The following GNAI3 variants were observed in gnomAD, a reference collection of about 807,000 sequenced individuals.
GNAI3 encodes guanine nucleotide-binding protein G(i) subunit alpha-3.
GNAI3 carries 12 observed loss-of-function variants against 41.8 expected under a neutral mutation model. The observed-to-expected ratio is 0.29, with a 90% CI of 0.18 to 0.47. The LOEUF is 0.47. Among genes scored for constraint, GNAI3 ranks in the 20% least tolerant of loss-of-function variants. The pLI is 1.00. For synonymous variants in GNAI3, 132 were observed against 146.5 expected, an observed-to-expected ratio of 0.90 and a Z score of 0.71; for missense variants, 360 against 429.6, an observed-to-expected ratio of 0.84 and a Z score of 1.43.
chr1:109,560,521 T>C (rs1031588406), intron 1 of GNAI3, among the ~76,000 whole-genome samples: 2 of 152,094 alleles, frequency 1.3e-5, no homozygotes, highest in African/African-American at 2.4e-5. Context: ...CTTTGGGAAG[T>C]TGAGGCCGGA....
chr1:109,591,532 TA>T (rs1360599528), intron 7 of GNAI3: 3 of 825,280 alleles, frequency 3.6e-6, no homozygotes, highest in Admixed American at 1.9e-5. Context: ...CCAGTTGTTT[TA>T]AAAAATATGG....
chr1:109,573,958 G>A lies in GNAI3; in HGVS notation c.224G>A (p.Ser75Asn). Reference sequence around the variant, plus strand: ...AAACAATATAAAGTAGTTGTCTACAGCAATACTATACAGTCCATCATTGCA... The same window carrying A: ...AAACAATATAAAGTAGTTGTCTACAACAATACTATACAGTCCATCATTGCA... ...ECKQYKVVVY[S>N]NTIQSIIAII... is the part of the protein sequence containing the mutation. Residue 75 changes from serine to asparagine, a missense_variant, in exon 3 of 9, where the codon AGC becomes AAC. By Grantham distance (46) the Ser-to-Asn change is conservative. Coordinates refer to ENST00000369851, the MANE Select transcript of GNAI3 (RefSeq NM_006496.4). 6.2e-7 allele frequency: 1 copy of A among 1,606,182 alleles called. No homozygotes were observed. Among genetic ancestry groups the A allele is most frequent in the Non-Finnish European group, 8.5e-7 (1 of 1,172,878 alleles).
intron 1 of GNAI3, among the ~76,000 whole-genome samples, chr1:109,565,676 T>C (rs912269240): frequency 6.6e-6 from 1 of 152,202 alleles, no homozygotes; most frequent in Non-Finnish European, 1.5e-5. Flanking sequence ...TTGCTCTAGA[T>C]TGGCGGGGGG....
chr1:109,574,858 G>A (rs573706888), intron 3 of GNAI3, among the ~76,000 whole-genome samples: 6 of 152,204 alleles, frequency 3.9e-5, no homozygotes, highest in Non-Finnish European at 8.8e-5. Context: ...TGGGAGGTCT[G>A]CCTGGAAAGG....
chr1:109,576,749 T>G (rs919664356), intron 3 of GNAI3, among the ~76,000 whole-genome samples: 1 of 152,172 alleles, frequency 6.6e-6, no homozygotes, highest in Non-Finnish European at 1.5e-5. Flanking sequence ...CTGGAACTCC[T>G]GACTTCAGGT....
chr1:109,566,595 C>T (rs1193856756), intron 1 of GNAI3, among the ~76,000 whole-genome samples: 1 of 152,086 alleles, frequency 6.6e-6, no homozygotes, highest in African/African-American at 2.4e-5. Flanking sequence ...GGAGTTTGCT[C>T]TTGTTGCCCA....
Position 109,574,017 on chromosome 1 carries a change from T to C in GNAI3, c.283T>C (p.Phe95Leu). 6 of 1,611,952 alleles carry C rather than the reference T, an allele frequency of 3.7e-6. No homozygotes were observed. The highest frequency in any genetic ancestry group is 5.1e-6 in the Non-Finnish European group (6 of 1,178,848). ...AGCCATGGGACGGCTAAAGATTGAC[T>C]TTGGGGAAGCTGCCAGGGCAGTAAG... is the stretch of plus-strand genomic sequence containing the variant. ...IRAMGRLKID[F>L]GEAARADDAR... is the part of the protein sequence containing the mutation. Residue 95 changes from phenylalanine to leucine, a missense_variant, in exon 3 of 9, where the codon TTT becomes CTT. Transcript: ENST00000369851.
Position 109,586,250 on chromosome 1 carries a change from A to G in GNAI3, c.625A>G (p.Lys209Glu). ...FDVGGQRSER[K>E]KWIHCFEGVT... ...TGTAGGTGGCCAAAGATCAGAACGA[A>G]AAAAGTGGATTCACTGTTTTGAGGG... The change falls in exon 6 of 9, where the codon AAA becomes GAA. Residue 209 changes from lysine (K) to glutamate (E), a missense_variant. Transcript: ENST00000369851. The G allele has an allele frequency of 6.2e-7, 1 of 1,613,762 alleles. No homozygotes were observed. The highest frequency in any genetic ancestry group is 8.5e-7 in the Non-Finnish European group (1 of 1,179,748).
chr1:109,571,250 A>T (rs1387702964), intron 1 of GNAI3, among the ~76,000 whole-genome samples: 1 of 152,168 alleles, frequency 6.6e-6, no homozygotes, highest in African/African-American at 2.4e-5. Context: ...AGGTTTGTGA[A>T]ATCTAAATAC....
At position 109,548,657 on chromosome 1, in the gene GNAI3, T is replaced by C; in HGVS notation, c.-64T>C. 6 of 1,180,348 alleles carry C rather than the reference T, an allele frequency of 5.1e-6. No homozygotes were observed. The highest frequency in any genetic ancestry group is 7.5e-6 in the Non-Finnish European group (6 of 795,116). 73.1% of individuals were successfully genotyped at this position (1,180,348 alleles called of 1,614,324 possible). On this transcript the variant is annotated 5_prime_UTR_variant, in exon 1 of 9. Transcript: ENST00000369851. The stretch of plus-strand genomic sequence containing the variant: ...CCCAGCAATAGACGGTGCCTCAGCC[T>C]GCCGAGCCGCAGTTTCCGTGGTGTG...
At chr1:109,591,295 G>A (rs1649163224) in intron 7 of GNAI3, among the ~76,000 whole-genome samples, 1 of 150,580 alleles carries the variant, frequency 6.6e-6, no homozygotes, top group African/African-American at 2.5e-5. Context: ...AATTTACCTT[G>A]TTGAATTCCT....
rs1474475338 is a variant in GNAI3, at chr1:109,594,053, T to C, written c.*1731T>C. 6.6e-6 allele frequency: 1 copy of C among 152,660 alleles called. No individual in the cohort carries two copies. The highest frequency in any genetic ancestry group is 1.9e-4 in the East Asian group (1 of 5,200). 9.5% of individuals were successfully genotyped at this position (152,660 alleles called of 1,614,324 possible). On this transcript the variant is annotated 3_prime_UTR_variant, in exon 9 of 9. Transcript: ENST00000369851. ...TTTTGTGATTCTTTTTGGAAAATCA[T>C]AGCTTACAGATGGTATAACTGTATT...
intron 1 of GNAI3, among the ~76,000 whole-genome samples, chr1:109,572,026 G>A (rs1237969516): frequency 6.6e-6 from 1 of 152,164 alleles, no homozygotes; most frequent in Admixed American, 6.5e-5. Context: ...TCAGAAACTG[G>A]GTTGGGTGCG....
intron 6 of GNAI3, 67 bp from the exon 7 acceptor site, chr1:109,586,662 C>G: frequency 1.7e-6 from 2 of 1,200,326 alleles, no homozygotes; most frequent in South Asian, 2.9e-5. Flanking sequence ...GTTGGTTTGT[C>G]TTTTTCATTA....
intron 1 of GNAI3, among the ~76,000 whole-genome samples, chr1:109,556,462 CATT>C (rs1648157022): frequency 6.6e-6 from 1 of 152,132 alleles, no homozygotes; most frequent in African/African-American, 2.4e-5. Context: ...AAAACTGAAA[CATT>C]GTGAAGAGTC....
intron 1 of GNAI3, among the ~76,000 whole-genome samples, chr1:109,553,237 A>G (rs1422617695): frequency 6.6e-6 from 1 of 151,018 alleles, no homozygotes; most frequent in African/African-American, 2.4e-5. Flanking sequence ...CTTTTTTTTT[A>G]CTCATCACTG....
At chr1:109,578,487 A>AAAAAG (rs1557909309) in intron 3 of GNAI3, among the ~76,000 whole-genome samples, 1 of 150,934 alleles carries the variant, frequency 6.6e-6, no homozygotes, top group Non-Finnish European at 1.5e-5. Context: ...AAAAAAAAAA[A>AAAAAG]AAAAGAAAAG....
In GNAI3 at chr1:109,582,486, C is replaced by G. The variant is rs1648920863; in HGVS notation, c.511C>G (p.Gln171Glu). 1 of 1,596,324 alleles carries G rather than the reference C, an allele frequency of 6.3e-7. No homozygotes were observed. Among genetic ancestry groups the G allele is most frequent in the Non-Finnish European group, 8.6e-7 (1 of 1,163,792 alleles). ...ATCCCAGTCTAACTACATTCCAACTCAGCAAGATGTTCTTCGGACGAGAGT... is the reference window on the plus strand; with the variant it reads ...ATCCCAGTCTAACTACATTCCAACTGAGCAAGATGTTCTTCGGACGAGAGT... ...RISQSNYIPT[Q>E]QDVLRTRVKT... Residue 171 changes from glutamine (Q) to glutamate (E), a missense_variant, in exon 5 of 9, where the codon CAG becomes GAG. Coordinates refer to ENST00000369851, the MANE Select transcript of GNAI3 (RefSeq NM_006496.4).
intron 1 of GNAI3, among the ~76,000 whole-genome samples, chr1:109,559,907 A>G (rs1169110714): frequency 6.6e-6 from 1 of 152,204 alleles, no homozygotes; most frequent in Middle Eastern, 3.2e-3. Context: ...GTTTTGATAG[A>G]TACAATGCTT....
Sources: gnomAD v4.1 joint callset for allele counts (sites outside exome capture counted in the v4.1 genomes callset) on GRCh38, gnomAD v4.1.1 for gene constraint, MANE v1.5 for transcripts, NCBI Gene and HGNC (gene_info 2026-07-23, HGNC 2026-07-21) for gene names.